Variants in TRIM38 observed in about 807,000 individuals in gnomAD.
TRIM38 encodes tripartite motif containing 38.
TRIM38 carries 35 observed loss-of-function variants against 35.8 expected under a neutral mutation model. The ratio of observed to expected loss-of-function variants is 0.98; its 90% CI spans 0.75 to 1.30. The LOEUF (loss-of-function observed/expected upper bound fraction) is 1.30, where lower values mean the gene tolerates loss of function less well. TRIM38 is among the 50% of genes most tolerant of loss of function. The probability of loss-of-function intolerance (pLI) is 0.00; values close to 1 mark genes in which losing one functional copy is unlikely to be tolerated. For synonymous variants in TRIM38, 198 were observed against 204.7 expected, an observed-to-expected ratio of 0.97 and a Z score of 0.28; for missense variants, 545 against 556.9, an observed-to-expected ratio of 0.98 and a Z score of 0.21.
At position 25,983,342 on chromosome 6, in the gene TRIM38, G is replaced by A; in HGVS notation, c.1053G>A (p.Val351=). The change falls in exon 8 of 8, where the codon GTG becomes GTA. Residue 351 remains valine, a synonymous_variant. Transcript: ENST00000357085. ...GFTSGRRYFE[V]DVGEGTGWDL... is the part of the protein sequence containing the mutation. ...CCTCAGGAAGACGTTACTTTGAAGT[G>A]GATGTTGGCGAAGGAACCGGATGGG... is the stretch of plus-strand genomic sequence containing the variant. The A allele has an allele frequency of 6.2e-7, 1 of 1,614,108 alleles. No homozygotes were observed. Among genetic ancestry groups the A allele is most frequent in the Non-Finnish European group, 8.5e-7 (1 of 1,180,012 alleles).
rs1554143886 is a variant in TRIM38, at chr6:25,988,496, C to CTTTTTTTCTTTTTTTTTT, written c.*4816_*4817insCTTTTTTTTTTTTTTTTT. On this transcript the variant is annotated 3_prime_UTR_variant, in exon 8 of 8. Transcript: ENST00000357085. ...TTTCTTTTTCTTTTTTCTTTTCTTTCTTTTTTTTTTTTTTTTTGAGACAGA... is the reference window on the plus strand; with the variant it reads ...TTTCTTTTTCTTTTTTCTTTTCTTTCTTTTTTTCTTTTTTTTTTTTTTTTTTTTTTTTTTTGAGACAGA... 4.8e-5 allele frequency: 3 copies of CTTTTTTTCTTTTTTTTTT among 63,054 alleles called. No individual in the cohort carries two copies. The highest frequency in any genetic ancestry group is 2.1e-4 in the African/African-American group (3 of 14,186). 3.9% of individuals were successfully genotyped at this position (63,054 alleles called of 1,614,324 possible).
chr6:25,967,009 T>G (rs1257643758), intron 3 of TRIM38, 76 bp downstream of exon 3: 49 of 1,431,332 alleles, frequency 3.4e-5, no homozygotes, highest in Non-Finnish European at 4.6e-5. Flanking sequence ...TGATTTAACT[T>G]GAAACCTAAC....
intron 1 of TRIM38, 85 bp downstream of exon 1, chr6:25,962,940 T>C (rs918502804): frequency 1.3e-5 from 2 of 152,486 alleles, no homozygotes; most frequent in African/African-American, 2.4e-5. Flanking sequence ...TGATGGCAAG[T>C]GGGGTGGGGA....
chr6:25,974,704 T>C (rs1760339143), intron 7 of TRIM38: 1 of 156,934 alleles, frequency 6.4e-6, no homozygotes, highest in Non-Finnish European at 1.4e-5. Flanking sequence ...ATTACAGGGC[T>C]CTGCCTTAGG....
rs144069536 is a variant in TRIM38, at chr6:25,986,887, C to T, written c.*3200C>T. ...AAGTTGTAGGATGGAAAAAAGGACA[C>T]AAAAGTAGGGTGAAGAGCATGTGTG... is the stretch of plus-strand genomic sequence containing the variant. On this transcript the variant is annotated 3_prime_UTR_variant, in exon 8 of 8. Coordinates refer to ENST00000357085, the MANE Select transcript of TRIM38 (RefSeq NM_006355.5). The T allele has an allele frequency of 6.6e-6, 1 of 152,270 alleles. No homozygotes were observed. The highest frequency in any genetic ancestry group is 1.9e-4 in the East Asian group (1 of 5,180). The allele number at this position is 152,270 out of a possible 1,614,324, so 9.4% of individuals were successfully genotyped here.
Position 25,989,500 on chromosome 6 carries a change from G to C in TRIM38, c.*5813G>C, listed in dbSNP as rs935329081. On this transcript the variant is annotated 3_prime_UTR_variant, in exon 8 of 8. Coordinates refer to ENST00000357085, the MANE Select transcript of TRIM38 (RefSeq NM_006355.5). ...ATTGATCTTTGCTATTGTTAGCAAG[G>C]TCTTGTATTCTTTTTTTTTTTTTTT... 1 of 142,872 alleles carries C rather than the reference G, an allele frequency of 7.0e-6. No homozygotes were observed. The highest frequency in any genetic ancestry group is 1.5e-5 in the Non-Finnish European group (1 of 66,188). The allele number at this position is 142,872 out of a possible 1,614,324, so 8.9% of individuals were successfully genotyped here. A position where few individuals can be genotyped will look rare whatever the true frequency, so the allele number is the denominator to read the frequency against.
intron 7 of TRIM38, among the ~76,000 whole-genome samples, chr6:25,982,670 CAA>C (rs1353026130): frequency 2.0e-5 from 3 of 152,220 alleles, no homozygotes; most frequent in Non-Finnish European, 4.4e-5. Flanking sequence ...TTCTCTGCAA[CAA>C]ATACGGTAAT....
At chr6:25,982,959 C>T (rs993082606) in intron 7 of TRIM38, among the ~76,000 whole-genome samples, 13 of 152,068 alleles carry the variant, frequency 8.5e-5, no homozygotes, top group Admixed American at 6.6e-4. Flanking sequence ...TGTGGTGGTG[C>T]GCACCTGTAG....
chr6:25,963,395 G>A (rs1759911154), intron 2 of TRIM38, 113 bp downstream of exon 2: 1 of 139,328 alleles, frequency 7.2e-6, no homozygotes, highest in Non-Finnish European at 1.6e-5. Context: ...GCGGGCGGGG[G>A]GGAGGGATCG....
chr6:25,973,064 A>C lies in TRIM38; in HGVS notation c.749A>C (p.Asp250Ala). The C allele has an allele frequency of 6.2e-7, 1 of 1,614,138 alleles. No individual in the cohort carries two copies. The highest frequency in any genetic ancestry group is 8.5e-7 in the Non-Finnish European group (1 of 1,180,014). The change falls in exon 6 of 8, where the codon GAC becomes GCC. Residue 250 changes from aspartate to alanine, a missense_variant. Physicochemically the swap from Asp to Ala is moderately radical, Grantham distance 126. Coordinates refer to ENST00000357085, the MANE Select transcript of TRIM38 (RefSeq NM_006355.5). ...TTTGTTTCTTTATAGAATGTGAATG[A>C]CACTTTGAGCAGGTAAGTCCTGTTT... ...SAQKLLQNVN[D>A]TLSRSWAVKL...
Position 25,969,314 on chromosome 6 carries a change from T to A in TRIM38, c.412-11T>A. ...ATTGAATAGGCTTCACTTATCAAATTTTTCCTTCAGGAAAAGCTCCAGAAA... is the reference window on the plus strand; with the variant it reads ...ATTGAATAGGCTTCACTTATCAAATATTTCCTTCAGGAAAAGCTCCAGAAA... On this transcript the variant is annotated splice_polypyrimidine_tract_variant and intron_variant, in intron 3 of 7. Coordinates refer to ENST00000357085, the MANE Select transcript of TRIM38 (RefSeq NM_006355.5). 6.2e-7 allele frequency: 1 copy of A among 1,610,626 alleles called. No individual in the cohort carries two copies. Among genetic ancestry groups the A allele is most frequent in the Non-Finnish European group, 8.5e-7 (1 of 1,178,286 alleles).
intron 3 of TRIM38, among the ~76,000 whole-genome samples, chr6:25,968,202 C>T (rs1035636511): frequency 1.3e-5 from 2 of 152,204 alleles, no homozygotes; most frequent in African/African-American, 4.8e-5. Flanking sequence ...CTTCTAAGGA[C>T]ATGTCAATCA....
rs1395282743 is a variant in TRIM38, at chr6:25,983,647, A to G, written c.1358A>G (p.Tyr453Cys). 18 of 1,610,018 alleles carry G rather than the reference A, an allele frequency of 1.1e-5. No individual in the cohort carries two copies. The highest frequency in any genetic ancestry group is 1.5e-5 in the Non-Finnish European group (18 of 1,178,446). ...SDTLRPYFQVYQYSPLFLPPP... is the reference protein window; with the variant it reads ...SDTLRPYFQVCQYSPLFLPPP... ...ACTCTCCGGCCCTATTTCCAGGTTT[A>G]TCAATATTCTCCTTTGTTTCTGCCT... The change falls in exon 8 of 8, where the codon TAT becomes TGT. Residue 453 changes from tyrosine to cysteine, a missense_variant. Transcript: ENST00000357085.
chr6:25,966,225 A>G (rs1040610421), intron 2 of TRIM38, 110 bp from the exon 3 acceptor site: 1 of 310,532 alleles, frequency 3.2e-6, no homozygotes, highest in Non-Finnish European at 5.9e-6. Flanking sequence ...TTTTTCCTCT[A>G]AACAACCACT....
At chr6:25,977,954 A>C (rs1760445617) in intron 7 of TRIM38, among the ~76,000 whole-genome samples, 2 of 152,018 alleles carry the variant, frequency 1.3e-5, no homozygotes, top group Admixed American at 1.3e-4. Context: ...CAACAACAAC[A>C]TTGCATGTTG....
At chr6:25,982,570 C>G (rs191137344) in intron 7 of TRIM38, among the ~76,000 whole-genome samples, 29 of 152,308 alleles carry the variant, frequency 1.9e-4, no homozygotes, top group African/African-American at 6.7e-4. Flanking sequence ...CCTGATCACC[C>G]CAACAACTAC....
intron 7 of TRIM38, among the ~76,000 whole-genome samples, chr6:25,974,536 T>A (rs1760335010): frequency 6.6e-6 from 1 of 152,176 alleles, no homozygotes; most frequent in African/African-American, 2.4e-5. Flanking sequence ...TTTACGAGGG[T>A]GTGAACACCA....
chr6:25,981,607 A>G (rs1760547786), intron 7 of TRIM38, among the ~76,000 whole-genome samples: 1 of 152,154 alleles, frequency 6.6e-6, no homozygotes, highest in African/African-American at 2.4e-5. Flanking sequence ...TTTTTCATGT[A>G]TATTGGTCCT....
intron 4 of TRIM38, 107 bp downstream of exon 4, chr6:25,969,527 T>C (rs1444463814): frequency 2.2e-6 from 2 of 912,168 alleles, no homozygotes; most frequent in Non-Finnish European, 3.1e-6. Context: ...CTAAACCAGA[T>C]TGAAAAAATG....
Sources: allele counts gnomAD v4.1 joint callset (sites outside exome capture counted in the v4.1 genomes callset), GRCh38; gene constraint gnomAD v4.1.1; transcripts MANE v1.5; gene names NCBI Gene and HGNC (gene_info 2026-07-23, HGNC 2026-07-21).